RAF1: variants seen among roughly 807,000 people sequenced by gnomAD.
RAF1 encodes the protein RAF proto-oncogene serine/threonine-protein kinase.
Under a neutral mutation model 81.1 loss-of-function variants are expected in RAF1, and 27 were observed. That is an observed-to-expected ratio of 0.33 (90% CI 0.25 to 0.46). RAF1 has a LOEUF of 0.46. RAF1 is among the 20% of genes least tolerant of loss of function. The pLI, the probability that RAF1 is intolerant of heterozygous loss-of-function variation, is 1.00. For missense variants in RAF1, 598 were observed against 826.0 expected (o/e 0.72, Z 3.38); for synonymous variants, 298 against 294.0 (o/e 1.01, Z -0.14).
chr3:12,616,656 T>G (rs1211899424), intron 2 of RAF1, among the ~76,000 whole-genome samples: 2 of 152,174 alleles, frequency 1.3e-5, no homozygotes, highest in Non-Finnish European at 2.9e-5. Context: ...TATAAACAAT[T>G]TATTAACAAA....
In RAF1 at chr3:12,611,622, C is replaced by A. The variant is rs190123902; in HGVS notation, c.320+328G>T. The stretch of plus-strand genomic sequence containing the variant: ...GGCTGAGGCAGGAAAATGGCGTGAA[C>A]CCGGGAGGCGGAGCTTGCGGTGAGC... On this transcript the variant is annotated intron_variant, in intron 3 of 17. Transcript: ENST00000442415. Among the ~76,000 whole-genome samples, 299 of 152,246 alleles carry A rather than the reference C, an allele frequency of 2.0e-3. 1 individual carries two copies. Among genetic ancestry groups the A allele is most frequent in the African/African-American group, 6.3e-3 (262 of 41,552 alleles).
rs923519255 is a variant in RAF1 at position 12,583,836 on chromosome 3, A to T, written c.*678T>A. ...CCCGCCCCATAGGGGCAGCTCCTGG[A>T]AGACAAAATTCAGCATGATGGAAGA... On this transcript the variant is annotated 3_prime_UTR_variant, in exon 18 of 18. Coordinates refer to ENST00000442415, the MANE Select transcript of RAF1 (RefSeq NM_001354689.3). The T allele has an allele frequency of 4.3e-6, 1 of 234,014 alleles. No homozygotes were observed. Among genetic ancestry groups the T allele is most frequent in the Non-Finnish European group, 8.4e-6 (1 of 118,532 alleles). The allele number at this position is 234,014 out of a possible 1,614,324, so 14.5% of individuals were successfully genotyped here. A position where few individuals can be genotyped will look rare whatever the true frequency, so the allele number is the denominator to read the frequency against.
intron 3 of RAF1, among the ~76,000 whole-genome samples, chr3:12,610,380 A>C (rs773116402): frequency 9.9e-5 from 15 of 152,206 alleles, no homozygotes; most frequent in South Asian, 2.1e-4. Flanking sequence ...GCCCTTATGA[A>C]GAGAAGGAGG....
intron 1 of RAF1, among the ~76,000 whole-genome samples, chr3:12,619,840 T>G (rs1384335225): frequency 6.6e-6 from 1 of 152,068 alleles, no homozygotes; most frequent in Non-Finnish European, 1.5e-5. Context: ...CCCAGCACTT[T>G]GGGAGGCCGA....
chr3:12,640,967 T>C lies in RAF1; in HGVS notation c.-26-22220A>G, dbSNP rs1007359442. Among the ~76,000 whole-genome samples, 8 of 152,118 alleles carry C rather than the reference T, an allele frequency of 5.3e-5. No individual in the cohort carries two copies. The South Asian group carries it at 1.7e-3, about 32-fold the overall frequency. ...AGCAAAGACCTGGAACCAACCCAAA[T>C]GTCCATCAATGACAGACTGGATTAA... On this transcript the variant is annotated intron_variant, in intron 1 of 17. Coordinates refer to ENST00000442415, the MANE Select transcript of RAF1 (RefSeq NM_001354689.3).
intron 1 of RAF1, among the ~76,000 whole-genome samples, chr3:12,655,428 T>C (rs908915860): frequency 1.3e-5 from 2 of 152,138 alleles, no homozygotes; most frequent in Non-Finnish European, 2.9e-5. Context: ...AAATAACAAG[T>C]GTTGGAAAAG....
intron 13 of RAF1, chr3:12,590,355 CT>C (rs11285579): frequency 1 from 162,627 of 162,628 alleles, 81,313 homozygotes; most frequent in Non-Finnish European, 1. Context: ...CAGAGTCTCG[CT>C]TCTGCAGCCA....
intron 15 of RAF1, 189 bp downstream of exon 14, chr3:12,585,492 C>CT: frequency 2.1e-6 from 2 of 948,728 alleles, no homozygotes; most frequent in Non-Finnish European, 2.5e-6. Context: ...CCTCTCCACA[C>CT]TAAGCTTCAC....
At chr3:12,598,805 T>C (rs902279938) in intron 11 of RAF1, among the ~76,000 whole-genome samples, 2 of 151,478 alleles carry the variant, frequency 1.3e-5, no homozygotes, top group African/African-American at 4.8e-5. Context: ...ACCTTGAATT[T>C]TAATACTCCA....
At position 12,636,806 on chromosome 3, in the gene RAF1, CA is replaced by C. The variant is rs993931550; in HGVS notation, c.-26-18060del. 5.0e-3 allele frequency among the ~76,000 whole-genome samples: 725 copies of C among 144,118 alleles called. 8 individuals carry two copies. Among genetic ancestry groups the C allele is most frequent in the African/African-American group, 0.017 (666 of 39,398 alleles). 94.5% of individuals were successfully genotyped at this position (144,118 alleles called of 152,430 possible). On this transcript the variant is annotated intron_variant, in intron 1 of 17. Coordinates refer to ENST00000442415, the MANE Select transcript of RAF1 (RefSeq NM_001354689.3). ...TGGGTAACAGAGCAAGACCTTGTCTCAAAAAAAAAAGAAAGAAAGAAAAAAT... is the reference window on the plus strand; with the variant it reads ...TGGGTAACAGAGCAAGACCTTGTCTCAAAAAAAAAGAAAGAAAGAAAAAAT...
intron 14 of RAF1, among the ~76,000 whole-genome samples, chr3:12,586,624 T>C (rs1352472819): frequency 6.6e-6 from 1 of 152,166 alleles, no homozygotes; most frequent in Non-Finnish European, 1.5e-5. Flanking sequence ...ATCATGCCTC[T>C]CACTGCTCAA....
At chr3:12,650,748 A>G (rs1332346184) in intron 1 of RAF1, among the ~76,000 whole-genome samples, 4 of 152,226 alleles carry the variant, frequency 2.6e-5, no homozygotes, top group Non-Finnish European at 5.9e-5. Context: ...AAAATTGAAT[A>G]TGTGCTAGGC....
At chr3:12,587,546 A>C in intron 14 of RAF1, 45 bp downstream of exon 13, 1 of 1,552,478 alleles carries the variant, frequency 6.4e-7, no homozygotes, top group South Asian at 1.1e-5. Context: ...TGTTTCCCTA[A>C]ATTTAGAACC....
rs2059365051 is a variant in RAF1 at position 12,616,226 on chromosome 3, TG to T, written c.207+2288del. On this transcript the variant is annotated intron_variant, in intron 2 of 17. Coordinates refer to ENST00000442415, the MANE Select transcript of RAF1 (RefSeq NM_001354689.3). The stretch of plus-strand genomic sequence containing the variant: ...ATGAGGATTTAAATTGGGATTTTCT[TG>T]TTTTAAAGGTTCATACACTTAATCA... Among the ~76,000 whole-genome samples, 3 of 152,312 alleles carry T rather than the reference TG, an allele frequency of 2.0e-5. No individual in the cohort carries two copies. The South Asian group carries it at 6.2e-4, about 32-fold the overall frequency.
chr3:12,607,009 A>C (rs908592625), intron 5 of RAF1, among the ~76,000 whole-genome samples: 1 of 152,160 alleles, frequency 6.6e-6, no homozygotes, highest in Non-Finnish European at 1.5e-5. Flanking sequence ...ATTTCTAGGA[A>C]ATACTGGTCC....
chr3:12,638,579 C>T (rs2060094753), intron 1 of RAF1, among the ~76,000 whole-genome samples: 1 of 152,236 alleles, frequency 6.6e-6, no homozygotes, highest in Non-Finnish European at 1.5e-5. Flanking sequence ...GTTTGGCATT[C>T]CCTTCACAGT....
intron 1 of RAF1, among the ~76,000 whole-genome samples, chr3:12,637,226 C>T (rs7636754): frequency 6.6e-6 from 1 of 152,008 alleles, no homozygotes; most frequent in Non-Finnish European, 1.5e-5. Context: ...ACTAGGGTAT[C>T]GGGTTAACTT....
chr3:12,587,837 C>CTTTTTTTTTTTTTTTTTTTTTTTTTT (rs374515740), intron 13 of RAF1, 200 bp from the exon 13 acceptor site: 1 of 188,432 alleles, frequency 5.3e-6, no homozygotes, highest in Admixed American at 7.3e-5. Flanking sequence ...ATGCTTACAC[C>CTTTTTTTTTTTTTTTTTTTTTTTTTT]TTTTTTTTTT....
At chr3:12,590,470 A>G (rs1575543873) in intron 13 of RAF1, 1 of 307,846 alleles carries the variant, frequency 3.2e-6, no homozygotes, top group South Asian at 3.2e-5. Context: ...GATTATAGGC[A>G]TGTGCCACCA....
Sources: gnomAD v4.1 joint callset for allele counts (sites outside exome capture counted in the v4.1 genomes callset) on GRCh38, gnomAD v4.1.1 for gene constraint, MANE v1.5 for transcripts, NCBI Gene and HGNC (gene_info 2026-07-23, HGNC 2026-07-21) for gene names.